Variants in PIK3CA observed in about 807,000 individuals in gnomAD.
The protein encoded by PIK3CA is phosphatidylinositol-4,5-bisphosphate 3-kinase catalytic subunit alpha.
PIK3CA carries 27 observed loss-of-function variants against 138.2 expected under a neutral mutation model. That is an observed-to-expected ratio of 0.20 (90% CI 0.14 to 0.27). The LOEUF is 0.27. PIK3CA is among the 10% of genes least tolerant of loss of function. PIK3CA has a pLI of 1.00. For missense variants in PIK3CA, 544 were observed against 1,277.4 expected (o/e 0.43, Z 8.75); for synonymous variants, 358 against 413.2 (o/e 0.87, Z 1.62).
At chr3:179,167,794 A>T (rs780757006) in intron 1 of PIK3CA, among the ~76,000 whole-genome samples, 13 of 152,168 alleles carry the variant, frequency 8.5e-5, no homozygotes, top group Admixed American at 5.9e-4. Context: ...TATATTCCAC[A>T]TACTGCTCAA....
intron 1 of PIK3CA, among the ~76,000 whole-genome samples, chr3:179,191,783 C>T (rs920236234): frequency 5.3e-5 from 8 of 151,936 alleles, no homozygotes; most frequent in African/African-American, 1.7e-4. Flanking sequence ...ATTACAGGCT[C>T]CCGCCACCAG....
intron 20 of PIK3CA, among the ~76,000 whole-genome samples, chr3:179,231,293 TATA>T (rs1161989391): frequency 6.6e-6 from 1 of 152,132 alleles, no homozygotes; most frequent in East Asian, 1.9e-4. Context: ...GCCTTTTTGA[TATA>T]ATGACTTCTT....
At chr3:179,197,911 A>G (rs2108384147) in intron 1 of PIK3CA, among the ~76,000 whole-genome samples, 1 of 152,340 alleles carries the variant, frequency 6.6e-6, no homozygotes, top group Admixed American at 6.5e-5. Context: ...ACTCATAATA[A>G]TACTTAATAG....
rs1057443158 is a variant in PIK3CA at position 179,176,751 on chromosome 3, G to A, written c.-76-21999G>A. Among the ~76,000 whole-genome samples, 25 of 152,196 alleles carry A rather than the reference G, an allele frequency of 1.6e-4. 1 individual carries two copies. The highest frequency in any genetic ancestry group is 6.0e-4 in the African/African-American group (25 of 41,538). The stretch of plus-strand genomic sequence containing the variant: ...AAGATTTTGGTGGTTTCTAGTTTTT[G>A]CTTTCATGAATATTGTTGCAATGAA... On this transcript the variant is annotated intron_variant, in intron 1 of 20. Coordinates refer to ENST00000263967, the MANE Select transcript of PIK3CA (RefSeq NM_006218.4).
intron 20 of PIK3CA, among the ~76,000 whole-genome samples, chr3:179,231,792 G>A (rs2108426742): frequency 6.6e-6 from 1 of 151,812 alleles, no homozygotes; most frequent in East Asian, 1.9e-4. Context: ...ACAGGCACAT[G>A]CCACCACACA....
intron 1 of PIK3CA, among the ~76,000 whole-genome samples, chr3:179,152,281 C>T (rs1296384731): frequency 6.6e-6 from 1 of 152,150 alleles, no homozygotes; most frequent in Non-Finnish European, 1.5e-5. Context: ...AGATTATTAT[C>T]ATATATAGTA....
At chr3:179,190,670 G>C (rs189088002) in intron 1 of PIK3CA, among the ~76,000 whole-genome samples, 4 of 152,066 alleles carry the variant, frequency 2.6e-5, no homozygotes, top group Admixed American at 6.5e-5. Flanking sequence ...TGGGTTGTAG[G>C]GGGGTGAAAG....
chr3:179,148,329 G>A (rs1237186703), upstream of PIK3CA: 1 of 151,838 alleles, frequency 6.6e-6, no homozygotes, highest in Non-Finnish European at 1.5e-5. Context: ...GGGCTAGCGA[G>A]GAGAGGGAGC....
Position 179,230,421 on chromosome 3 carries a change from CTCTATTA to C in PIK3CA, c.2936+46_2936+52del. 2 of 1,465,352 alleles carry C rather than the reference CTCTATTA, an allele frequency of 1.4e-6. No individual in the cohort carries two copies. The highest frequency in any genetic ancestry group is 1.9e-6 in the Non-Finnish European group (2 of 1,075,888). 90.8% of individuals were successfully genotyped at this position (1,465,352 alleles called of 1,614,324 possible). A position where few individuals can be genotyped will look rare whatever the true frequency, so the allele number is the denominator to read the frequency against. On this transcript the variant is annotated intron_variant, in intron 20 of 20. Coordinates refer to ENST00000263967, the MANE Select transcript of PIK3CA (RefSeq NM_006218.4). This position sits in a 1 kb window ranked among gnomAD's most constrained non-coding sequence, Gnocchi z 5.4. ...AACACAAAATAAAGAGTTCTGGCTG[CTCTATTA>C]GAAACAATCAATATTTTTCAAGCAA...
At chr3:179,177,808 A>G (rs1723735929) in intron 1 of PIK3CA, among the ~76,000 whole-genome samples, 1 of 152,204 alleles carries the variant, frequency 6.6e-6, no homozygotes, top group Non-Finnish European at 1.5e-5. Flanking sequence ...AGAAAATTTG[A>G]TGAATAGGTC....
chr3:179,189,630 C>G (rs987655772), intron 1 of PIK3CA, among the ~76,000 whole-genome samples: 2 of 152,044 alleles, frequency 1.3e-5, no homozygotes, highest in Non-Finnish European at 1.5e-5. Context: ...TAAACCCATT[C>G]ATGGGCCTCA....
At chr3:179,211,620 T>A (rs1724713732) in intron 9 of PIK3CA, among the ~76,000 whole-genome samples, 1 of 152,074 alleles carries the variant, frequency 6.6e-6, no homozygotes, top group African/African-American at 2.4e-5. Context: ...TGAGCCGAGG[T>A]CACGCCATTG....
intron 1 of PIK3CA, among the ~76,000 whole-genome samples, chr3:179,163,629 A>T (rs1257126878): frequency 1.3e-5 from 2 of 152,180 alleles, no homozygotes; most frequent in Non-Finnish European, 2.9e-5. Flanking sequence ...AATTTTTACT[A>T]CAAATACTTT....
intron 1 of PIK3CA, among the ~76,000 whole-genome samples, chr3:179,156,231 T>C (rs182607202): frequency 6.6e-6 from 1 of 152,206 alleles, no homozygotes. Flanking sequence ...TTTTCCCCCC[T>C]TTTTTGAAAC....
At chr3:179,205,768 G>A (rs1359942395) in intron 6 of PIK3CA, among the ~76,000 whole-genome samples, 1 of 152,114 alleles carries the variant, frequency 6.6e-6, no homozygotes, top group Non-Finnish European at 1.5e-5. Flanking sequence ...ACCCCTGAAC[G>A]TAATAGCAGT....
chr3:179,172,196 A>G (rs959676574), intron 1 of PIK3CA, among the ~76,000 whole-genome samples: 1 of 152,144 alleles, frequency 6.6e-6, no homozygotes, highest in Non-Finnish European at 1.5e-5. Context: ...AATACAAATT[A>G]TAATAAAAAC....
At chr3:179,187,919 G>T (rs1051920321) in intron 1 of PIK3CA, among the ~76,000 whole-genome samples, 1 of 152,168 alleles carries the variant, frequency 6.6e-6, no homozygotes, top group Non-Finnish European at 1.5e-5. Context: ...TTATAGGCAT[G>T]AGCCACCATG....
chr3:179,233,088 A>G (rs183697762), intron 20 of PIK3CA, among the ~76,000 whole-genome samples: 3 of 152,130 alleles, frequency 2.0e-5, no homozygotes, highest in African/African-American at 7.2e-5. Context: ...TGAACTCCCA[A>G]TCTCGGGTGA....
chr3:179,194,166 A>T lies in PIK3CA; in HGVS notation c.-76-4584A>T, dbSNP rs550330724. 1.5e-3 allele frequency among the ~76,000 whole-genome samples: 226 copies of T among 152,366 alleles called. 1 individual carries two copies. Among genetic ancestry groups the T allele is most frequent in the African/African-American group, 5.0e-3 (210 of 41,596 alleles). On this transcript the variant is annotated intron_variant, in intron 1 of 20. Transcript: ENST00000263967. ...TTTTTAAAGAAATCTGAGAGAATTT[A>T]AAAATCATTTTAAAAGCATCATGTC...
Sources: gnomAD v4.1 joint callset for allele counts (sites outside exome capture counted in the v4.1 genomes callset) on GRCh38, gnomAD v4.1.1 for gene constraint, Gnocchi (gnomAD v3.1) non-coding constraint, MANE v1.5 for transcripts, NCBI Gene and HGNC (gene_info 2026-07-23, HGNC 2026-07-21) for gene names.